NEDD4L: variants seen among roughly 807,000 people sequenced by gnomAD.
The protein encoded by NEDD4L is NEDD4 like E3 ubiquitin protein ligase, also known as E3 ubiquitin-protein ligase NEDD4-like.
In NEDD4L, 54 loss-of-function variants were observed where a neutral mutation model predicts 148.9. The observed-to-expected ratio is 0.36, with a 90% CI of 0.29 to 0.45. The LOEUF is 0.45. Among genes scored for constraint, NEDD4L ranks in the 20% least tolerant of loss-of-function variants. The pLI, the probability that NEDD4L is intolerant of heterozygous loss-of-function variation, is 1.00. For synonymous variants in NEDD4L, 433 were observed against 440.7 expected, an observed-to-expected ratio of 0.98 and a Z score of 0.22; for missense variants, 856 against 1,233.8, an observed-to-expected ratio of 0.69 and a Z score of 4.59.
intron 8 of NEDD4L, among the ~76,000 whole-genome samples, chr18:58,324,592 G>T (rs778532213): frequency 6.6e-6 from 1 of 152,204 alleles, no homozygotes; most frequent in Non-Finnish European, 1.5e-5. Flanking sequence ...GTGTTGAAAA[G>T]ATGGCAGCTG....
At chr18:58,217,702 GATAAAAC>G (rs1164003734) in intron 2 of NEDD4L, among the ~76,000 whole-genome samples, 2 of 152,058 alleles carry the variant, frequency 1.3e-5, no homozygotes, top group Non-Finnish European at 2.9e-5. Context: ...TATTGGAAAA[GATAAAAC>G]ATAAAGCATT....
chr18:58,108,089 G>A (rs1187017620), intron 1 of NEDD4L, among the ~76,000 whole-genome samples: 1 of 152,210 alleles, frequency 6.6e-6, no homozygotes, highest in African/African-American at 2.4e-5. Flanking sequence ...CAGACCCATT[G>A]TGGGATGCAC....
At chr18:58,310,614 G>A (rs1023749286) in intron 5 of NEDD4L, among the ~76,000 whole-genome samples, 2 of 152,230 alleles carry the variant, frequency 1.3e-5, no homozygotes, top group Admixed American at 6.5e-5. Flanking sequence ...AACGCCCAGC[G>A]TGGGTGGAAC....
intron 1 of NEDD4L, among the ~76,000 whole-genome samples, chr18:58,059,535 C>T (rs770343475): frequency 6.6e-6 from 1 of 152,144 alleles, no homozygotes; most frequent in Non-Finnish European, 1.5e-5. Flanking sequence ...CCTCCTTGCC[C>T]AGGTGTTAAA....
intron 2 of NEDD4L, among the ~76,000 whole-genome samples, chr18:58,196,252 T>C (rs1452000144): frequency 1.3e-5 from 2 of 152,238 alleles, no homozygotes; most frequent in East Asian, 3.8e-4. Flanking sequence ...GCATAGCTAA[T>C]GCAATCAGCC....
intron 5 of NEDD4L, chr18:58,314,432 A>AT (rs2058048460): frequency 6.6e-6 from 1 of 151,790 alleles, no homozygotes; most frequent in Non-Finnish European, 1.5e-5. Flanking sequence ...AAAAAAAAAA[A>AT]ATAGTGAAAT....
At chr18:58,174,695 A>G (rs954742232) in intron 2 of NEDD4L, among the ~76,000 whole-genome samples, 3 of 152,150 alleles carry the variant, frequency 2.0e-5, no homozygotes, top group South Asian at 2.1e-4. Flanking sequence ...GGAGGGACAC[A>G]ATGACTGGTT....
At chr18:58,104,750 T>TG (rs2084964876) in intron 1 of NEDD4L, among the ~76,000 whole-genome samples, 4 of 152,198 alleles carry the variant, frequency 2.6e-5, no homozygotes, top group Admixed American at 2.0e-4. Context: ...ATTTTTTCCT[T>TG]TTCATCACTA....
intron 1 of NEDD4L, among the ~76,000 whole-genome samples, chr18:58,101,194 A>G (rs1411834345): frequency 6.6e-6 from 1 of 152,164 alleles, no homozygotes; most frequent in Non-Finnish European, 1.5e-5. Context: ...TTTCTATCAG[A>G]TGAAATTTCA....
At chr18:58,370,257 G>T (rs1330932306) in intron 22 of NEDD4L, 140 bp from the exon 23 acceptor site, 2 of 650,108 alleles carry the variant, frequency 3.1e-6, no homozygotes, top group South Asian at 1.8e-5. Flanking sequence ...CTCCTCGCTT[G>T]TGCAATACTG....
At chr18:58,093,868 T>C (rs979759809) in intron 1 of NEDD4L, among the ~76,000 whole-genome samples, 1 of 152,176 alleles carries the variant, frequency 6.6e-6, no homozygotes, top group Non-Finnish European at 1.5e-5. Context: ...CATTGTAAAA[T>C]TGGAGCCACT....
At chr18:58,054,024 C>G (rs1344633031) in intron 1 of NEDD4L, among the ~76,000 whole-genome samples, 1 of 152,148 alleles carries the variant, frequency 6.6e-6, no homozygotes, top group African/African-American at 2.4e-5. Context: ...AAGACCCTTT[C>G]TATTAATTTT....
chr18:58,301,470 C>T (rs530310014), intron 5 of NEDD4L, among the ~76,000 whole-genome samples: 3 of 152,194 alleles, frequency 2.0e-5, no homozygotes, highest in African/African-American at 7.2e-5. Flanking sequence ...CAGGGAGGTA[C>T]CCTGTAGAAT....
intron 2 of NEDD4L, among the ~76,000 whole-genome samples, chr18:58,223,444 G>A (rs753815329): frequency 4.7e-4 from 71 of 152,142 alleles, no homozygotes; most frequent in Non-Finnish European, 8.1e-4. Flanking sequence ...TGGTGATGGT[G>A]GGGGGCTCTA....
intron 24 of NEDD4L, among the ~76,000 whole-genome samples, chr18:58,376,128 C>T (rs2047532457): frequency 6.6e-6 from 1 of 152,144 alleles, no homozygotes; most frequent in South Asian, 2.1e-4. Flanking sequence ...CAATCAGAAG[C>T]AAATGATCTG....
chr18:58,155,607 A>G (rs1047407981), intron 1 of NEDD4L, among the ~76,000 whole-genome samples: 2 of 152,200 alleles, frequency 1.3e-5, no homozygotes, highest in Non-Finnish European at 2.9e-5. Flanking sequence ...AAGGAAGTAA[A>G]GCTCTCAAAG....
intron 1 of NEDD4L, among the ~76,000 whole-genome samples, chr18:58,103,808 G>A (rs1029078962): frequency 1.3e-5 from 2 of 152,224 alleles, no homozygotes; most frequent in Non-Finnish European, 2.9e-5. Flanking sequence ...GACTGCCTGC[G>A]CAGCCCGAGG....
intron 1 of NEDD4L, among the ~76,000 whole-genome samples, chr18:58,089,935 G>A (rs1256566046): frequency 2.0e-5 from 3 of 150,638 alleles, no homozygotes; most frequent in East Asian, 3.9e-4. Flanking sequence ...CATCTCCCAA[G>A]CTCAAGTGAC....
intron 5 of NEDD4L, among the ~76,000 whole-genome samples, chr18:58,253,991 G>GTTTTTTT (rs35718137): frequency 6.8e-6 from 1 of 146,446 alleles, no homozygotes; most frequent in Non-Finnish European, 1.5e-5. Flanking sequence ...TGGTGTTGCT[G>GTTTTTTT]TTTTTTTTTT....
Sources: allele counts gnomAD v4.1 joint callset (sites outside exome capture counted in the v4.1 genomes callset), GRCh38; gene constraint gnomAD v4.1.1; transcripts MANE v1.5; gene names NCBI Gene and HGNC (gene_info 2026-07-23, HGNC 2026-07-21).